Variants in NDST3 observed in about 807,000 individuals in gnomAD.
NDST3 encodes the protein N-deacetylase and N-sulfotransferase 3.
NDST3 carries 58 observed loss-of-function variants against 96.1 expected under a neutral mutation model. The observed-to-expected ratio is 0.60, with a 90% CI of 0.49 to 0.75. The LOEUF (loss-of-function observed/expected upper bound fraction) is 0.75, where lower values mean the gene tolerates loss of function less well. Among genes scored for constraint, NDST3 ranks in the 30% least tolerant of loss-of-function variants. The pLI, the probability that NDST3 is intolerant of heterozygous loss-of-function variation, is 0.00. For synonymous variants in NDST3, 333 were observed against 359.7 expected, an observed-to-expected ratio of 0.93 and a Z score of 0.84; for missense variants, 788 against 1,034.2, an observed-to-expected ratio of 0.76 and a Z score of 3.27.
At chr4:118,138,370 T>C in intron 5 of NDST3, 131 bp downstream of exon 5, 7 of 697,558 alleles carry the variant, frequency 1.0e-5, no homozygotes, top group Non-Finnish European at 1.3e-5. Flanking sequence ...AGCATATTTG[T>C]CATATCTAAG....
At chr4:118,122,981 T>C (rs1440061451) in intron 4 of NDST3, among the ~76,000 whole-genome samples, 1 of 152,212 alleles carries the variant, frequency 6.6e-6, no homozygotes, top group Non-Finnish European at 1.5e-5. Context: ...CCATGGTTTG[T>C]AAAATTAACA....
intron 6 of NDST3, among the ~76,000 whole-genome samples, chr4:118,208,991 A>G (rs1192366593): frequency 1.9e-5 from 2 of 105,702 alleles, no homozygotes; most frequent in Non-Finnish European, 2.1e-5. Flanking sequence ...TTAGTAGTGA[A>G]GCTGATCTTT....
rs900445220 is a variant in NDST3, at chr4:118,145,695, T to G, written c.1539+2011T>G. Among the ~76,000 whole-genome samples, 3 of 152,206 alleles carry G rather than the reference T, an allele frequency of 2.0e-5. No homozygotes were observed. In the East Asian group the frequency reaches 5.8e-4, roughly 29 times the overall value. ...GAATGATATTTGGCAATTTTATGTC[T>G]TGAGGAGGAGATTCATAAGAATAAA... On this transcript the variant is annotated intron_variant, in intron 6 of 13. Coordinates refer to ENST00000296499, the MANE Select transcript of NDST3 (RefSeq NM_004784.3).
chr4:118,223,586 TTAAG>T (rs1253496022), intron 6 of NDST3, among the ~76,000 whole-genome samples: 1 of 152,080 alleles, frequency 6.6e-6, no homozygotes, highest in African/African-American at 2.4e-5. Flanking sequence ...TTCATAGTTG[TTAAG>T]TAATTACATT....
chr4:118,111,594 C>T (rs944423139), intron 3 of NDST3, among the ~76,000 whole-genome samples: 2 of 148,278 alleles, frequency 1.3e-5, no homozygotes, highest in Non-Finnish European at 3.0e-5. Context: ...TGGAGTGTAG[C>T]GACGCCATCT....
At chr4:118,102,541 T>C (rs1578641283) in intron 2 of NDST3, among the ~76,000 whole-genome samples, 1 of 152,310 alleles carries the variant, frequency 6.6e-6, no homozygotes, top group Admixed American at 6.5e-5. Flanking sequence ...ATATCATTTT[T>C]ATATTTTGTT....
intron 12 of NDST3, among the ~76,000 whole-genome samples, chr4:118,243,094 T>C (rs1741105977): frequency 6.6e-6 from 1 of 152,092 alleles, no homozygotes; most frequent in Non-Finnish European, 1.5e-5. Context: ...AGTTGGTTTT[T>C]TTTTAATTAC....
intron 2 of NDST3, among the ~76,000 whole-genome samples, chr4:118,062,818 TA>T (rs1726005843): frequency 6.6e-6 from 1 of 152,148 alleles, no homozygotes; most frequent in African/African-American, 2.4e-5. Flanking sequence ...AGTTATAAAT[TA>T]TTTAAAGAAA....
In NDST3 at chr4:118,243,244, G is replaced by C. The variant is rs149330954; in HGVS notation, c.2399+1095G>C. ...TTTAATATCAATTTAGAAAGTGAGA[G>C]GCAGGTTTCCTTTACCTTTCAACAA... On this transcript the variant is annotated intron_variant, in intron 12 of 13. Coordinates refer to ENST00000296499, the MANE Select transcript of NDST3 (RefSeq NM_004784.3). 1.3e-4 allele frequency among the ~76,000 whole-genome samples: 20 copies of C among 152,142 alleles called. No individual in the cohort carries two copies. In the East Asian group the frequency reaches 3.5e-3, roughly 27 times the overall value.
intron 12 of NDST3, 81 bp from the exon 13 acceptor site, chr4:118,253,397 TTATGTATTGGTCACTATATCA>T: frequency 1.6e-6 from 1 of 622,054 alleles, no homozygotes; most frequent in Non-Finnish European, 2.8e-6. Flanking sequence ...AATAAAATAT[TTATGTATTGGTCACTATATCA>T]TATGTATTGG....
chr4:118,247,590 TG>T (rs566483972), intron 12 of NDST3, among the ~76,000 whole-genome samples: 85 of 152,070 alleles, frequency 5.6e-4, no homozygotes, highest in African/African-American at 2.0e-3. Flanking sequence ...AGACTTTATC[TG>T]GAACTAGGGA....
Position 118,147,900 on chromosome 4 carries a change from T to G in NDST3, c.1539+4216T>G, listed in dbSNP as rs148571969. On this transcript the variant is annotated intron_variant, in intron 6 of 13. Coordinates refer to ENST00000296499, the MANE Select transcript of NDST3 (RefSeq NM_004784.3). ...TAAATAGACTCCAGGTATTGAGTCA[T>G]TAACAACTATAGATATAGAACACTT... Among the ~76,000 whole-genome samples the G allele has an allele frequency of 2.0e-5, 3 of 152,316 alleles. No homozygotes were observed. The East Asian group carries it at 5.8e-4, about 29-fold the overall frequency.
intron 8 of NDST3, among the ~76,000 whole-genome samples, chr4:118,229,791 T>C (rs1740149029): frequency 6.6e-6 from 1 of 152,230 alleles, no homozygotes; most frequent in Admixed American, 6.5e-5. Context: ...TATTTTTAAC[T>C]TTAAAAATGC....
intron 2 of NDST3, chr4:118,055,762 C>T (rs933884605): frequency 6.6e-6 from 1 of 151,796 alleles, no homozygotes; most frequent in Non-Finnish European, 1.5e-5. Context: ...TTTTATTCTA[C>T]AGTTTTGACC....
intron 2 of NDST3, among the ~76,000 whole-genome samples, chr4:118,098,100 C>T (rs984672946): frequency 6.6e-6 from 1 of 151,692 alleles, no homozygotes; most frequent in Admixed American, 6.6e-5. Flanking sequence ...AGATGCGCTA[C>T]TTAAGGAGTT....
chr4:118,148,965 C>G (rs1734168072), intron 6 of NDST3, among the ~76,000 whole-genome samples: 1 of 152,072 alleles, frequency 6.6e-6, no homozygotes. Context: ...TTTCAGCTTT[C>G]TACATATGGC....
At chr4:118,241,870 T>C (rs1741028136) in intron 11 of NDST3, among the ~76,000 whole-genome samples, 170 bp from the exon 12 acceptor site, 1 of 152,214 alleles carries the variant, frequency 6.6e-6, no homozygotes, top group Admixed American at 6.5e-5. Flanking sequence ...GTGTGATTTA[T>C]TTCTTATTCC....
Position 118,064,793 on chromosome 4 carries a change from G to A in NDST3, c.981+9902G>A, listed in dbSNP as rs765817102. Among the ~76,000 whole-genome samples the A allele has an allele frequency of 2.0e-5, 3 of 152,198 alleles. No homozygotes were observed. In the South Asian group the frequency reaches 6.2e-4, roughly 32 times the overall value. On this transcript the variant is annotated intron_variant, in intron 2 of 13. Transcript: ENST00000296499. ...TCTGAAGGTCAGACATCCAACATGG[G>A]TCTTACTGAGCTAAGTTCAAGATGT...
chr4:118,242,022 T>C lies in NDST3; in HGVS notation c.2290-18T>C, dbSNP rs984487287. 5 of 1,546,716 alleles carry C rather than the reference T, an allele frequency of 3.2e-6. No individual in the cohort carries two copies. Among genetic ancestry groups the C allele is most frequent in the Non-Finnish European group, 4.4e-6 (5 of 1,126,474 alleles). ...ACATGTCTTTTTTCAATGTGCATTTTTTTATTTGATAATTTAGTTGCTAAT... is the reference window on the plus strand; with the variant it reads ...ACATGTCTTTTTTCAATGTGCATTTCTTTATTTGATAATTTAGTTGCTAAT... On this transcript the variant is annotated intron_variant, in intron 11 of 13. Coordinates refer to ENST00000296499, the MANE Select transcript of NDST3 (RefSeq NM_004784.3).
Sources: gnomAD v4.1 joint callset for allele counts (sites outside exome capture counted in the v4.1 genomes callset) on GRCh38, gnomAD v4.1.1 for gene constraint, MANE v1.5 for transcripts, NCBI Gene and HGNC (gene_info 2026-07-23, HGNC 2026-07-21) for gene names.